TBC1D5: variants seen among roughly 807,000 people sequenced by gnomAD.
TBC1D5 encodes the protein TBC1 domain family member 5.
TBC1D5 carries 75 observed loss-of-function variants against 100.3 expected under a neutral mutation model. The observed-to-expected ratio is 0.75, with a 90% confidence interval of 0.62 to 0.91. The LOEUF (loss-of-function observed/expected upper bound fraction) is 0.91. Ranked by LOEUF, TBC1D5 falls within the 40% of genes least tolerant of loss-of-function variation. The pLI is 0.00. For synonymous variants in TBC1D5, 323 were observed against 325.6 expected, an observed-to-expected ratio of 0.99 and a Z score of 0.09; for missense variants, 910 against 942.4, an observed-to-expected ratio of 0.97 and a Z score of 0.45.
intron 3 of TBC1D5, among the ~76,000 whole-genome samples, chr3:17,446,700 G>A (rs765027976): frequency 2.4e-4 from 37 of 152,226 alleles, no homozygotes; most frequent in African/African-American, 7.7e-4. Context: ...GGCCGGGCGC[G>A]GTGGCTCGCG....
At chr3:17,216,276 C>T (rs1388615004) in intron 17 of TBC1D5, among the ~76,000 whole-genome samples, 1 of 152,022 alleles carries the variant, frequency 6.6e-6, no homozygotes, top group Non-Finnish European at 1.5e-5. Flanking sequence ...GGGTGGTTCC[C>T]AGCTCGTGAT....
chr3:17,428,407 G>GTATA (rs1390633033), intron 4 of TBC1D5, 43 bp downstream of exon 4: 4 of 496,990 alleles, frequency 8.0e-6, no homozygotes, highest in African/African-American at 4.5e-5. Context: ...GTGTGTGTGT[G>GTATA]TGTGTATATA....
At chr3:17,197,848 G>A (rs961471251) in intron 18 of TBC1D5, among the ~76,000 whole-genome samples, 6 of 152,100 alleles carry the variant, frequency 3.9e-5, no homozygotes, top group Non-Finnish European at 8.8e-5. Flanking sequence ...ACCAGCCTGG[G>A]CAACATGGTG....
At chr3:17,384,313 G>A (rs1338854956) in intron 8 of TBC1D5, among the ~76,000 whole-genome samples, 1 of 152,046 alleles carries the variant, frequency 6.6e-6, no homozygotes, top group East Asian at 1.9e-4. Context: ...CGTGTCTGCA[G>A]ATGGGGAGTT....
At chr3:17,571,758 A>G (rs987881143) in intron 2 of TBC1D5, among the ~76,000 whole-genome samples, 9 of 151,758 alleles carry the variant, frequency 5.9e-5, no homozygotes, top group Admixed American at 2.0e-4. Flanking sequence ...CTTTCACCCA[A>G]CTAAAACACA....
At chr3:17,522,931 A>G (rs1053270583) in intron 2 of TBC1D5, among the ~76,000 whole-genome samples, 7 of 152,202 alleles carry the variant, frequency 4.6e-5, no homozygotes, top group Admixed American at 4.6e-4. Context: ...AAAACTTCAT[A>G]CCATGCTTTG....
At chr3:17,400,261 T>C (rs903113499) in intron 8 of TBC1D5, among the ~76,000 whole-genome samples, 1 of 152,160 alleles carries the variant, frequency 6.6e-6, no homozygotes, top group African/African-American at 2.4e-5. Flanking sequence ...CAAGTAACAC[T>C]TTATAACCTT....
rs375904913 is a variant in TBC1D5, at chr3:17,716,079, A to G, written c.-101+23264T>C. On this transcript the variant is annotated intron_variant, in intron 1 of 21. Transcript: ENST00000253692. ...AAAAAAAGAAAAAAGAAAAATGAAAAAAGTTGGGCATGGGCTGAGACGCTT... is the reference window on the plus strand; with the variant it reads ...AAAAAAAGAAAAAAGAAAAATGAAAGAAGTTGGGCATGGGCTGAGACGCTT... Among the ~76,000 whole-genome samples, 119 of 152,266 alleles carry G rather than the reference A, an allele frequency of 7.8e-4. No homozygotes were observed. In the South Asian group the frequency reaches 0.012, roughly 15 times the overall value.
intron 1 of TBC1D5, among the ~76,000 whole-genome samples, chr3:17,687,068 A>T (rs2153820507): frequency 6.6e-6 from 1 of 152,236 alleles, no homozygotes; most frequent in Non-Finnish European, 1.5e-5. Flanking sequence ...TCCTTGGGAG[A>T]CCGGGTATAT....
chr3:17,561,129 A>G (rs891253395), intron 2 of TBC1D5, among the ~76,000 whole-genome samples: 4 of 152,146 alleles, frequency 2.6e-5, no homozygotes, highest in South Asian at 2.1e-4. Flanking sequence ...GCAAAGTTCT[A>G]TTTCTTGACC....
intron 2 of TBC1D5, among the ~76,000 whole-genome samples, chr3:17,610,258 C>T: frequency 6.6e-6 from 1 of 152,112 alleles, no homozygotes; most frequent in Non-Finnish European, 1.5e-5. Flanking sequence ...GATTATGGTT[C>T]ACTGCAACCT....
intron 18 of TBC1D5, among the ~76,000 whole-genome samples, chr3:17,211,716 A>G (rs918657996): frequency 9.2e-5 from 14 of 152,210 alleles, no homozygotes; most frequent in African/African-American, 3.1e-4. Context: ...CCAAGTAACA[A>G]TATTTTTATT....
chr3:17,222,928 A>G (rs570109768), intron 17 of TBC1D5, among the ~76,000 whole-genome samples: 1 of 152,242 alleles, frequency 6.6e-6, no homozygotes, highest in East Asian at 1.9e-4. Context: ...AGAAAAAGTT[A>G]GCATTTTGGG....
chr3:17,450,295 C>A (rs546753869), intron 3 of TBC1D5, among the ~76,000 whole-genome samples: 1 of 152,138 alleles, frequency 6.6e-6, no homozygotes, highest in African/African-American at 2.4e-5. Context: ...CGCAAAAATG[C>A]TGAAAATTCC....
At chr3:17,581,100 G>T (rs1333772565) in intron 2 of TBC1D5, among the ~76,000 whole-genome samples, 1 of 152,106 alleles carries the variant, frequency 6.6e-6, no homozygotes, top group African/African-American at 2.4e-5. Context: ...TCGTGATAGT[G>T]AGTAAGTCTC....
chr3:17,656,009 TA>T (rs1436143395), intron 1 of TBC1D5, among the ~76,000 whole-genome samples: 1 of 152,220 alleles, frequency 6.6e-6, no homozygotes, highest in East Asian at 1.9e-4. Flanking sequence ...CTTAGGACAC[TA>T]ATACAGCTAT....
chr3:17,659,046 T>C (rs142919791), intron 1 of TBC1D5, among the ~76,000 whole-genome samples: 3 of 152,240 alleles, frequency 2.0e-5, no homozygotes, highest in African/African-American at 4.8e-5. Flanking sequence ...TCCCCATCCT[T>C]AGGAAGCAAA....
chr3:17,322,189 T>C (rs985683601), intron 13 of TBC1D5, among the ~76,000 whole-genome samples: 1 of 152,258 alleles, frequency 6.6e-6, no homozygotes, highest in Non-Finnish European at 1.5e-5. Context: ...TGTGATTTGC[T>C]TTAAAATTCA....
At chr3:17,576,736 T>G (rs1422180188) in intron 2 of TBC1D5, among the ~76,000 whole-genome samples, 1 of 152,008 alleles carries the variant, frequency 6.6e-6, no homozygotes. Flanking sequence ...ATGAATCTTG[T>G]CTCCCTTCAA....
Sources: allele counts gnomAD v4.1 joint callset (sites outside exome capture counted in the v4.1 genomes callset), GRCh38; gene constraint gnomAD v4.1.1; transcripts MANE v1.5; gene names NCBI Gene and HGNC (gene_info 2026-07-23, HGNC 2026-07-21).